Variants in ATAD2B observed in about 807,000 individuals in gnomAD.
ATAD2B encodes the protein ATPase family AAA domain containing 2B, also known as ATPase family AAA domain-containing protein 2B.
ATAD2B carries 40 observed loss-of-function variants against 167.6 expected under a neutral mutation model. The observed-to-expected ratio is 0.24, with a 90% CI of 0.19 to 0.31. ATAD2B has a LOEUF of 0.31. ATAD2B is among the 10% of genes least tolerant of loss of function. The pLI is 1.00. For missense variants in ATAD2B, 1,242 were observed against 1,757.2 expected (o/e 0.71, Z 5.24); for synonymous variants, 579 against 596.5 (o/e 0.97, Z 0.43).
chr2:23,803,334 ACACACG>A (rs1312076071), intron 18 of ATAD2B, among the ~76,000 whole-genome samples: 68 of 151,296 alleles, frequency 4.5e-4, no homozygotes, highest in Admixed American at 3.4e-3. Flanking sequence ...ACACACACAC[ACACACG>A]CGCACGCATT....
chr2:23,798,303 T>C lies in ATAD2B; in HGVS notation c.2475A>G (p.Arg825=), dbSNP rs753508110. The change falls in exon 19 of 28, where the codon AGA becomes AGG. Residue 825 remains arginine (R), a synonymous_variant. Transcript: ENST00000238789. ...SCAQIFREAR[R]TVPSIVYMPH... ...GCATGTAAACAATACTAGGTACTGTTCTTCGAGCTTCACGAAAAATCTAAT... is the reference window on the plus strand; with the variant it reads ...GCATGTAAACAATACTAGGTACTGTCCTTCGAGCTTCACGAAAAATCTAAT... 5 of 1,579,102 alleles carry C rather than the reference T, an allele frequency of 3.2e-6. No individual in the cohort carries two copies. The Admixed American group carries it at 7.2e-5, about 23-fold the overall frequency.
chr2:23,787,087 T>C (rs973550837), intron 20 of ATAD2B, among the ~76,000 whole-genome samples: 1 of 149,352 alleles, frequency 6.7e-6, no homozygotes, highest in Non-Finnish European at 1.5e-5. Context: ...TCCACAGTCA[T>C]GAAGGAGATG....
chr2:23,900,836 A>G (rs958803346), intron 1 of ATAD2B: 1 of 152,306 alleles, frequency 6.6e-6, no homozygotes, highest in Admixed American at 6.5e-5. Context: ...TGCCTCCCTC[A>G]CAAATCAGTG....
intron 18 of ATAD2B, among the ~76,000 whole-genome samples, chr2:23,809,741 T>A (rs1685257851): frequency 6.6e-6 from 1 of 152,166 alleles, no homozygotes; most frequent in Admixed American, 6.5e-5. Flanking sequence ...CATCCCTAGT[T>A]TCAATATGAC....
At chr2:23,711,940 T>C in the ATAD2B span, among the ~76,000 whole-genome samples, 4 of 152,162 alleles carry the variant, frequency 2.6e-5, no homozygotes, top group African/African-American at 7.2e-5. Context: ...CTAAAAGGCA[T>C]AGGGCTTCAT....
At chr2:23,887,731 T>C (rs1698904769) in intron 4 of ATAD2B, 101 bp downstream of exon 4, 20 of 1,068,878 alleles carry the variant, frequency 1.9e-5, no homozygotes, top group South Asian at 1.9e-5. Context: ...TTTAAAGAAC[T>C]GTATTGATTG....
intron 18 of ATAD2B, among the ~76,000 whole-genome samples, chr2:23,808,519 A>G (rs1318634004): frequency 6.6e-6 from 1 of 151,876 alleles, no homozygotes; most frequent in Non-Finnish European, 1.5e-5. Context: ...TTCAATTGGG[A>G]CCTCTTCTTC....
chr2:23,923,024 T>C (rs143657276), intron 1 of ATAD2B, among the ~76,000 whole-genome samples: 64 of 152,334 alleles, frequency 4.2e-4, no homozygotes, highest in Middle Eastern at 3.4e-3. Context: ...TCCAAAGGAA[T>C]TGAAATTAGG....
the ATAD2B span, among the ~76,000 whole-genome samples, chr2:23,710,076 C>T: frequency 1.6e-4 from 24 of 152,186 alleles, no homozygotes; most frequent in East Asian, 7.7e-4. Flanking sequence ...TTCACTGTGA[C>T]GGCCACAAAC....
At position 23,751,925 on chromosome 2, in the gene ATAD2B, A is replaced by C. The variant is rs1675394624; in HGVS notation, c.*121T>G. The C allele has an allele frequency of 1.3e-6, 1 of 789,098 alleles. No homozygotes were observed. The highest frequency in any genetic ancestry group is 1.8e-5 in the African/African-American group (1 of 55,568). 48.9% of individuals were successfully genotyped at this position (789,098 alleles called of 1,614,324 possible). A position where few individuals can be genotyped will look rare whatever the true frequency, so the allele number is the denominator to read the frequency against. On this transcript the variant is annotated 3_prime_UTR_variant, in exon 28 of 28. Coordinates refer to ENST00000238789, the MANE Select transcript of ATAD2B (RefSeq NM_017552.4). ...CCAAATTCAACAGAGAGAAAGAATGAGTGAGAGAGCACTTTACACCAAGGC... is the reference window on the plus strand; with the variant it reads ...CCAAATTCAACAGAGAGAAAGAATGCGTGAGAGAGCACTTTACACCAAGGC...
chr2:23,856,437 TAATAGCTAAA>T, intron 13 of ATAD2B: 1 of 410,500 alleles, frequency 2.4e-6, no homozygotes, highest in Non-Finnish European at 5.0e-6. Flanking sequence ...AGCATTATCA[TAATAGCTAAA>T]AATAGAAGCA....
chr2:23,713,263 C>T, the ATAD2B span, among the ~76,000 whole-genome samples: 1 of 152,244 alleles, frequency 6.6e-6, no homozygotes, highest in Non-Finnish European at 1.5e-5. Context: ...TGGGACTTTA[C>T]GTTCCTGTTA....
At chr2:23,741,871 A>G in the ATAD2B span, among the ~76,000 whole-genome samples, 1 of 152,136 alleles carries the variant, frequency 6.6e-6, no homozygotes, top group Non-Finnish European at 1.5e-5. Flanking sequence ...AAAACAAACA[A>G]CCTCATCAAA....
chr2:23,919,374 C>T (rs767477308), intron 1 of ATAD2B, among the ~76,000 whole-genome samples: 4 of 151,694 alleles, frequency 2.6e-5, no homozygotes, highest in Non-Finnish European at 4.4e-5. Flanking sequence ...TGGCGAAACC[C>T]CATCTCTACA....
intron 10 of ATAD2B, chr2:23,865,924 A>G (rs1695064796): frequency 2.1e-6 from 2 of 934,546 alleles, no homozygotes; most frequent in Non-Finnish European, 2.6e-6. Context: ...ATTTTACCCA[A>G]AGTGTTAACT....
chr2:23,870,497 G>A (rs1166986003), intron 8 of ATAD2B, among the ~76,000 whole-genome samples: 2 of 151,666 alleles, frequency 1.3e-5, no homozygotes, highest in East Asian at 3.9e-4. Flanking sequence ...TGTTTCCCAA[G>A]GTGGTCTCAA....
intron 1 of ATAD2B, among the ~76,000 whole-genome samples, chr2:23,901,681 T>C (rs1700858635): frequency 1.3e-5 from 2 of 152,146 alleles, no homozygotes; most frequent in African/African-American, 4.8e-5. Context: ...TGAATTAAGT[T>C]TGGGAAACGA....
intron 22 of ATAD2B, among the ~76,000 whole-genome samples, chr2:23,777,090 G>A (rs1679258792): frequency 6.6e-6 from 1 of 152,042 alleles, no homozygotes; most frequent in South Asian, 2.1e-4. Context: ...AACACCAAGG[G>A]CACACAAGCA....
chr2:23,814,740 G>T (rs748140226), intron 17 of ATAD2B, among the ~76,000 whole-genome samples: 3 of 152,072 alleles, frequency 2.0e-5, no homozygotes, highest in Non-Finnish European at 4.4e-5. Context: ...GGCTACAAAG[G>T]GTTTTGTAAG....
Sources: gnomAD v4.1 joint callset for allele counts (sites outside exome capture counted in the v4.1 genomes callset) on GRCh38, gnomAD v4.1.1 for gene constraint, MANE v1.5 for transcripts, NCBI Gene and HGNC (gene_info 2026-07-23, HGNC 2026-07-21) for gene names.